DCBLD2: variants seen among roughly 807,000 people sequenced by gnomAD.
DCBLD2 encodes discoidin, CUB and LCCL domain containing 2.
Under a neutral mutation model 86.8 loss-of-function variants are expected in DCBLD2, and 54 were observed. The observed-to-expected ratio is 0.62, with a 90% CI of 0.50 to 0.78. The LOEUF is 0.78. DCBLD2 is among the 30% of genes least tolerant of loss of function. DCBLD2 has a pLI of 0.00. For missense variants in DCBLD2, 908 were observed against 954.2 expected (o/e 0.95, Z 0.64); for synonymous variants, 354 against 341.3 (o/e 1.04, Z -0.41).
intron 2 of DCBLD2, among the ~76,000 whole-genome samples, chr3:98,861,468 A>G (rs1943042739): frequency 6.6e-6 from 1 of 152,232 alleles, no homozygotes; most frequent in Non-Finnish European, 1.5e-5. Context: ...TTGACCACAT[A>G]GTTGGAAGTA....
Position 98,822,218 on chromosome 3 carries a change from A to T in DCBLD2, c.830+10T>A, listed in dbSNP as rs1306348967. On this transcript the variant is annotated intron_variant, in intron 6 of 15. Transcript: ENST00000326840. ...ATAGCATATATTTTTTAAATTGCAT[A>T]TATACTTACACCACAGATGTGACGT... The T allele has an allele frequency of 3.1e-6, 5 of 1,613,418 alleles. No individual in the cohort carries two copies. Among genetic ancestry groups the T allele is most frequent in the Non-Finnish European group, 4.2e-6 (5 of 1,179,530 alleles).
chr3:98,840,546 G>C (rs1241637527), intron 3 of DCBLD2, among the ~76,000 whole-genome samples: 1 of 152,168 alleles, frequency 6.6e-6, no homozygotes, highest in Non-Finnish European at 1.5e-5. Context: ...ACCGAGGCTA[G>C]AGTGCAGTGG....
intron 3 of DCBLD2, among the ~76,000 whole-genome samples, chr3:98,838,805 G>GA (rs1263400087): frequency 2.0e-5 from 3 of 152,144 alleles, no homozygotes; most frequent in Non-Finnish European, 4.4e-5. Flanking sequence ...GGCACCTCGG[G>GA]AGGCTGAGGT....
chr3:98,802,647 G>A (rs1307042380), intron 13 of DCBLD2, among the ~76,000 whole-genome samples: 2 of 152,152 alleles, frequency 1.3e-5, no homozygotes, highest in Non-Finnish European at 2.9e-5. Flanking sequence ...GAATGGTATT[G>A]CCTAGGTTTT....
At chr3:98,895,413 GCAAA>G (rs1943734893) in intron 1 of DCBLD2, 1 of 152,140 alleles carries the variant, frequency 6.6e-6, no homozygotes, top group African/African-American at 2.4e-5. Flanking sequence ...AGTTCAAGAA[GCAAA>G]CAGTGGAGCA....
intron 13 of DCBLD2, among the ~76,000 whole-genome samples, chr3:98,803,291 T>C (rs1647704523): frequency 6.6e-6 from 1 of 152,212 alleles, no homozygotes; most frequent in African/African-American, 2.4e-5. Context: ...TTCCTAGGTA[T>C]TTTATTCTCT....
chr3:98,835,911 T>G (rs1280615492), intron 3 of DCBLD2, among the ~76,000 whole-genome samples: 1 of 111,154 alleles, frequency 9.0e-6, no homozygotes, highest in African/African-American at 3.4e-5. Context: ...TTTTTCTTTC[T>G]TTCTTTCTTT....
At position 98,797,795 on chromosome 3, in the gene DCBLD2, T is replaced by G. The variant is rs1576149892; in HGVS notation, c.*1577A>C. On this transcript the variant is annotated 3_prime_UTR_variant, in exon 16 of 16. Transcript: ENST00000326840. ...ACAAGAAAACAAATACTGTTCATCT[T>G]TATTCAAATTGAGTGAATTCTGGCA... 1 of 152,336 alleles carries G rather than the reference T, an allele frequency of 6.6e-6. No individual in the cohort carries two copies. The highest frequency in any genetic ancestry group is 1.9e-4 in the East Asian group (1 of 5,192). The allele number at this position is 152,336 out of a possible 1,614,324, so 9.4% of individuals were successfully genotyped here. A position where few individuals can be genotyped will look rare whatever the true frequency, so the allele number is the denominator to read the frequency against.
rs372560910 is a variant in DCBLD2 at position 98,901,312 on chromosome 3, C to T, written c.15G>A (p.Ala5=). The T allele has an allele frequency of 8.9e-4, 1,262 of 1,419,972 alleles. 12 individuals are homozygous for T. The South Asian group carries it at 0.011, about 13-fold the overall frequency. The allele number at this position is 1,419,972 out of a possible 1,614,324, so 88.0% of individuals were successfully genotyped here. The stretch of plus-strand genomic sequence containing the variant: ...GCGGGCAGCGCCTGGCTCTCACCAC[C>T]GCCCGGCTCGCCATCGCGGCGGCCG... MASR[A]VVRARRCPQC... Residue 5 remains alanine, a synonymous_variant, in exon 1 of 16, where the codon GCG becomes GCA. Coordinates refer to ENST00000326840, the MANE Select transcript of DCBLD2 (RefSeq NM_080927.4).
At chr3:98,863,265 T>C (rs1281986340) in intron 2 of DCBLD2, among the ~76,000 whole-genome samples, 1 of 152,168 alleles carries the variant, frequency 6.6e-6, no homozygotes, top group East Asian at 1.9e-4. Context: ...GAAGAATCAA[T>C]ATCATGAAAA....
At chr3:98,867,385 G>A (rs1030325616) in intron 2 of DCBLD2, among the ~76,000 whole-genome samples, 9 of 152,172 alleles carry the variant, frequency 5.9e-5, no homozygotes, top group Non-Finnish European at 1.3e-4. Flanking sequence ...TCATTGAGCA[G>A]TGGTTTGTAG....
chr3:98,823,618 A>C (rs934058033), intron 4 of DCBLD2, among the ~76,000 whole-genome samples: 4 of 113,280 alleles, frequency 3.5e-5, no homozygotes, highest in African/African-American at 1.3e-4. Context: ...ACTTACACAA[A>C]TAATTGATTT....
chr3:98,826,797 GGAA>G (rs1942230505), intron 3 of DCBLD2, among the ~76,000 whole-genome samples: 1 of 152,052 alleles, frequency 6.6e-6, no homozygotes, highest in Non-Finnish European at 1.5e-5. Flanking sequence ...AAGAAAACCT[GGAA>G]GAAGACCCCA....
intron 3 of DCBLD2, among the ~76,000 whole-genome samples, chr3:98,840,936 C>G (rs996861017): frequency 2.0e-5 from 3 of 152,170 alleles, no homozygotes; most frequent in African/African-American, 7.2e-5. Context: ...TAGATAACAG[C>G]GATGGCAGTA....
intron 3 of DCBLD2, among the ~76,000 whole-genome samples, chr3:98,845,429 A>G (rs951011316): frequency 6.6e-6 from 1 of 152,146 alleles, no homozygotes; most frequent in Non-Finnish European, 1.5e-5. Flanking sequence ...CCTATAGAAG[A>G]TATGTCTGAC....
rs1292594948 is a variant in DCBLD2, at chr3:98,858,297, G to A, written c.434-8699C>T. Reference sequence around the variant, plus strand: ...CCGTGTGCAGCCCCAGTTCCCGCCTGCGCCTCTCCCTCCACACCTACCCGC... The same window carrying A: ...CCGTGTGCAGCCCCAGTTCCCGCCTACGCCTCTCCCTCCACACCTACCCGC... On this transcript the variant is annotated intron_variant, in intron 2 of 15. Coordinates refer to ENST00000326840, the MANE Select transcript of DCBLD2 (RefSeq NM_080927.4). Among the ~76,000 whole-genome samples the A allele has an allele frequency of 2.0e-5, 3 of 152,238 alleles. No individual in the cohort carries two copies. In the East Asian group the frequency reaches 5.8e-4, roughly 29 times the overall value.
intron 2 of DCBLD2, among the ~76,000 whole-genome samples, chr3:98,879,017 T>C (rs1387591649): frequency 1.3e-5 from 2 of 152,168 alleles, no homozygotes; most frequent in Non-Finnish European, 2.9e-5. Context: ...ATTTGAAACC[T>C]GTGCTCAGAA....
At chr3:98,800,077 CAT>C (rs1401250284) in intron 15 of DCBLD2, among the ~76,000 whole-genome samples, 4 of 152,166 alleles carry the variant, frequency 2.6e-5, no homozygotes, top group Non-Finnish European at 5.9e-5. Flanking sequence ...AGAATTTTCA[CAT>C]ATGTTCTTTA....
intron 13 of DCBLD2, among the ~76,000 whole-genome samples, chr3:98,803,687 T>C (rs1941773356): frequency 1.3e-5 from 2 of 152,214 alleles, no homozygotes; most frequent in African/African-American, 2.4e-5. Flanking sequence ...GGGTTTGTCA[T>C]ACATAGCTCT....
Sources: gnomAD v4.1 joint callset for allele counts (sites outside exome capture counted in the v4.1 genomes callset) on GRCh38, gnomAD v4.1.1 for gene constraint, MANE v1.5 for transcripts, NCBI Gene and HGNC (gene_info 2026-07-23, HGNC 2026-07-21) for gene names.